MYO1E: variants seen among roughly 807,000 people sequenced by gnomAD.
MYO1E encodes the protein myosin IE.
MYO1E carries 68 observed loss-of-function variants against 151.1 expected under a neutral mutation model. The observed-to-expected ratio is 0.45, with a 90% CI of 0.37 to 0.55. MYO1E has a LOEUF of 0.55. Among genes scored for constraint, MYO1E ranks in the 20% least tolerant of loss-of-function variants. The pLI, the probability that MYO1E is intolerant of heterozygous loss-of-function variation, is 0.00. For synonymous variants in MYO1E, 601 were observed against 501.7 expected (o/e 1.20, Z -2.64); for missense variants, 1,363 against 1,389.3 (o/e 0.98, Z 0.30).
Position 59,153,608 on chromosome 15 carries a change from G to A in MYO1E, c.3062C>T (p.Pro1021Leu), listed in dbSNP as rs770604283. The A allele has an allele frequency of 3.6e-5, 58 of 1,613,994 alleles. No individual in the cohort carries two copies. The highest frequency in any genetic ancestry group is 4.7e-5 in the Non-Finnish European group (56 of 1,180,010). Reference sequence around the variant, plus strand: ...ATCTTACCCTGCAGCTCCCTGGTCCGGGACCTTGAGGAAATCCAGGCTCTC... The same window carrying A: ...ATCTTACCCTGCAGCTCCCTGGTCCAGGACCTTGAGGAAATCCAGGCTCTC... The part of the protein sequence containing the change: ...TPESLDFLKV[P>L]DQGAAGVRRQ... The change falls in exon 26 of 28, where the codon CCG becomes CTG. Residue 1021 changes from proline to leucine, a missense_variant. By Grantham distance (98) the Pro-to-Leu change is moderately conservative. Transcript: ENST00000288235.
intron 1 of MYO1E, among the ~76,000 whole-genome samples, chr15:59,280,482 C>T (rs1440164643): frequency 6.7e-6 from 1 of 150,320 alleles, no homozygotes; most frequent in Non-Finnish European, 1.5e-5. Flanking sequence ...AAATTAGCCT[C>T]GTGGTGGTGC....
At chr15:59,206,921 C>T (rs76593785) in intron 14 of MYO1E, 101,480 of 1,599,692 alleles carry the variant, frequency 0.063, 3,752 homozygotes, top group African/African-American at 0.16. Flanking sequence ...TCTCTCTCTC[C>T]ACTTCTTCAG....
intron 26 of MYO1E, among the ~76,000 whole-genome samples, chr15:59,145,079 C>A (rs773931855): frequency 6.6e-6 from 1 of 151,952 alleles, no homozygotes; most frequent in Middle Eastern, 3.4e-3. Context: ...CTGACCTCAA[C>A]TGATCCACCT....
At chr15:59,184,031 C>T (rs191969272) in intron 18 of MYO1E, among the ~76,000 whole-genome samples, 10 of 152,268 alleles carry the variant, frequency 6.6e-5, no homozygotes, top group East Asian at 3.9e-4. Context: ...TTTTCTGAGA[C>T]GGAATCTCGT....
chr15:59,301,866 A>G (rs2140404192), intron 1 of MYO1E, among the ~76,000 whole-genome samples: 1 of 152,346 alleles, frequency 6.6e-6, no homozygotes, highest in Non-Finnish European at 1.5e-5. Context: ...ATGTCATATC[A>G]ATGAGTTATT....
intron 4 of MYO1E, among the ~76,000 whole-genome samples, chr15:59,237,875 A>G (rs1456917226): frequency 6.6e-6 from 1 of 152,212 alleles, no homozygotes; most frequent in Non-Finnish European, 1.5e-5. Flanking sequence ...TGAGCTGGCC[A>G]TATAGCGAAA....
In MYO1E at chr15:59,213,043, AG is replaced by A. The variant is rs374607915; in HGVS notation, c.1275+1184del. Reference sequence around the variant, plus strand: ...GAGGGAAGAAACTGCTACTGTTTTAAGTCACTCAGTTTGTGGTGCTTTGTTA... The same window carrying A: ...GAGGGAAGAAACTGCTACTGTTTTAATCACTCAGTTTGTGGTGCTTTGTTA... On this transcript the variant is annotated intron_variant, in intron 12 of 27. Transcript: ENST00000288235. 6.0e-3 allele frequency among the ~76,000 whole-genome samples: 909 copies of A among 152,280 alleles called. 7 individuals are homozygous for A. Among genetic ancestry groups the A allele is most frequent in the Middle Eastern group, 0.034 (10 of 294 alleles).
chr15:59,245,125 A>G (rs1362857675), intron 4 of MYO1E, among the ~76,000 whole-genome samples: 1 of 152,206 alleles, frequency 6.6e-6, no homozygotes, highest in Non-Finnish European at 1.5e-5. Flanking sequence ...ATAAACAAGA[A>G]ATTGGGTGGA....
chr15:59,240,569 T>C (rs1332421284), intron 4 of MYO1E, among the ~76,000 whole-genome samples: 3 of 152,246 alleles, frequency 2.0e-5, no homozygotes, highest in African/African-American at 4.8e-5. Context: ...CTTCAACTTA[T>C]TCAGCAAATG....
At chr15:59,287,507 G>A (rs759079326) in intron 1 of MYO1E, among the ~76,000 whole-genome samples, 15 of 152,144 alleles carry the variant, frequency 9.9e-5, no homozygotes, top group Non-Finnish European at 1.5e-4. Flanking sequence ...TGCTTCTAGG[G>A]TGGCCACAAA....
intron 10 of MYO1E, among the ~76,000 whole-genome samples, chr15:59,216,683 TATACAC>T (rs1172103811): frequency 7.3e-5 from 2 of 27,468 alleles, no homozygotes; most frequent in African/African-American, 2.6e-4. Context: ...TATATATATA[TATACAC>T]ATACACACAC....
chr15:59,252,887 A>C (rs1438986837), intron 4 of MYO1E, among the ~76,000 whole-genome samples: 1 of 152,196 alleles, frequency 6.6e-6, no homozygotes, highest in Non-Finnish European at 1.5e-5. Context: ...CTTGGTCTCA[A>C]AAGAAAAGGA....
chr15:59,163,469 C>T (rs572569749), intron 22 of MYO1E, among the ~76,000 whole-genome samples, 166 bp from the exon 23 acceptor site: 14 of 151,998 alleles, frequency 9.2e-5, no homozygotes, highest in African/African-American at 2.9e-4. Flanking sequence ...CAATGAATTA[C>T]ATAATGAAAT....
intron 12 of MYO1E, chr15:59,212,772 T>C (rs567282831): frequency 6.6e-6 from 1 of 152,318 alleles, no homozygotes; most frequent in Non-Finnish European, 1.5e-5. Flanking sequence ...GCTAAAATAT[T>C]GCCATTGCGC....
chr15:59,332,726 A>G (rs894192455), intron 1 of MYO1E, among the ~76,000 whole-genome samples: 1 of 151,118 alleles, frequency 6.6e-6, no homozygotes, highest in Non-Finnish European at 1.5e-5. Context: ...TTTTTTTTTT[A>G]ATTTAATTTT....
intron 2 of MYO1E, among the ~76,000 whole-genome samples, chr15:59,263,590 C>G (rs556434311): frequency 4.6e-5 from 7 of 152,230 alleles, no homozygotes; most frequent in African/African-American, 1.7e-4. Context: ...TGTGCATATA[C>G]AAAGGTAAGC....
At chr15:59,197,126 G>A (rs1476659785) in intron 16 of MYO1E, among the ~76,000 whole-genome samples, 27 of 150,500 alleles carry the variant, frequency 1.8e-4, no homozygotes, top group African/African-American at 6.3e-4. Context: ...CCGAGTAGCT[G>A]GGACTACAGG....
chr15:59,235,806 T>G (rs2080058742), intron 5 of MYO1E, among the ~76,000 whole-genome samples: 1 of 152,234 alleles, frequency 6.6e-6, no homozygotes, highest in South Asian at 2.1e-4. Flanking sequence ...TGAGAACAAC[T>G]GTGTCCCTAC....
At chr15:59,246,785 C>G (rs1175091389) in intron 4 of MYO1E, among the ~76,000 whole-genome samples, 1 of 152,190 alleles carries the variant, frequency 6.6e-6, no homozygotes, top group African/African-American at 2.4e-5. Context: ...AATACAGAAA[C>G]TGCCCAGGTA....
Sources: allele counts gnomAD v4.1 joint callset (sites outside exome capture counted in the v4.1 genomes callset), GRCh38; gene constraint gnomAD v4.1.1; transcripts MANE v1.5; gene names NCBI Gene and HGNC (gene_info 2026-07-23, HGNC 2026-07-21).